The following C12orf42 variants were observed in gnomAD, a reference collection of about 807,000 sequenced individuals.
The protein encoded by C12orf42 is chromosome 12 open reading frame 42.
A neutral mutation model predicts 21.6 loss-of-function variants in C12orf42; 25 were observed. That is an observed-to-expected ratio of 1.16 (90% CI 0.84 to 1.62). The LOEUF (loss-of-function observed/expected upper bound fraction) is 1.62. Ranked by LOEUF, C12orf42 falls within the 40% of genes most tolerant of loss-of-function variation. The probability of loss-of-function intolerance (pLI) is 0.00; values close to 1 mark genes in which losing one functional copy is unlikely to be tolerated. For missense variants in C12orf42, 483 were observed against 459.3 expected (o/e 1.05, Z -0.47); for synonymous variants, 174 against 175.0 (o/e 0.99, Z 0.05).
chr12:103,048,816 C>T, the C12orf42 span, among the ~76,000 whole-genome samples: 1 of 152,170 alleles, frequency 6.6e-6, no homozygotes, highest in African/African-American at 2.4e-5. Context: ...ATATTGCGCC[C>T]TTATCCCTCA....
At chr12:103,455,684 TTTCTC>T (rs1952240460) in intron 2 of C12orf42, among the ~76,000 whole-genome samples, 2 of 152,142 alleles carry the variant, frequency 1.3e-5, no homozygotes, top group African/African-American at 4.8e-5. Context: ...TTTTTGTCCT[TTTCTC>T]TTCTTAGAGA....
downstream of C12orf42, among the ~76,000 whole-genome samples, chr12:103,267,012 C>T (rs572906850): frequency 5.9e-5 from 9 of 152,072 alleles, no homozygotes; most frequent in African/African-American, 1.4e-4. Flanking sequence ...CTTCCAAATC[C>T]GGAAACAAGC....
chr12:103,517,067 A>G, the C12orf42 span, among the ~76,000 whole-genome samples: 1 of 152,240 alleles, frequency 6.6e-6, no homozygotes, highest in Non-Finnish European at 1.5e-5. Flanking sequence ...CTGTGGTAAC[A>G]TGTCAACATA....
At chr12:103,199,182 C>G in the C12orf42 span, among the ~76,000 whole-genome samples, 1 of 152,056 alleles carries the variant, frequency 6.6e-6, no homozygotes, top group East Asian at 1.9e-4. Context: ...ACTGATGTTT[C>G]ACAACAGTAC....
At chr12:103,341,258 GGT>G (rs2042149404) in intron 4 of C12orf42, among the ~76,000 whole-genome samples, 1 of 152,080 alleles carries the variant, frequency 6.6e-6, no homozygotes, top group African/African-American at 2.4e-5. Context: ...AGGAAGCTGA[GGT>G]GGGAGGATTG....
chr12:103,146,818 T>C, the C12orf42 span, among the ~76,000 whole-genome samples: 5 of 152,190 alleles, frequency 3.3e-5, no homozygotes, highest in Non-Finnish European at 7.3e-5. Flanking sequence ...CCAAAGATTA[T>C]CTACCAATTG....
At chr12:103,510,347 G>C in the C12orf42 span, among the ~76,000 whole-genome samples, 1 of 152,074 alleles carries the variant, frequency 6.6e-6, no homozygotes, top group Non-Finnish European at 1.5e-5. Flanking sequence ...ATGGACTTTG[G>C]GGATTTGGGG....
At chr12:103,334,816 T>C (rs2041548755) in intron 4 of C12orf42, among the ~76,000 whole-genome samples, 1 of 152,210 alleles carries the variant, frequency 6.6e-6, no homozygotes, top group African/African-American at 2.4e-5. Context: ...GAATAATTAG[T>C]TTTTCGACCC....
the C12orf42 span, chr12:103,159,720 T>C: frequency 6.6e-6 from 1 of 152,286 alleles, no homozygotes; most frequent in Non-Finnish European, 1.5e-5. Context: ...CTCCTTTGCA[T>C]TGTCCCATTT....
At chr12:103,465,094 G>C (rs887780145) in intron 2 of C12orf42, among the ~76,000 whole-genome samples, 4 of 151,910 alleles carry the variant, frequency 2.6e-5, no homozygotes, top group African/African-American at 7.3e-5. Flanking sequence ...GCTCTTTCTT[G>C]GTTCCATATA....
the C12orf42 span, among the ~76,000 whole-genome samples, chr12:103,135,497 C>T: frequency 6.6e-6 from 1 of 151,662 alleles, no homozygotes; most frequent in Non-Finnish European, 1.5e-5. Flanking sequence ...AGAAAGGACT[C>T]AAATGTTACC....
chr12:103,120,529 T>C, the C12orf42 span, among the ~76,000 whole-genome samples: 1 of 151,476 alleles, frequency 6.6e-6, no homozygotes, highest in Admixed American at 6.6e-5. Flanking sequence ...AGGAGGGAGA[T>C]ACCGGTGCCT....
the C12orf42 span, among the ~76,000 whole-genome samples, chr12:103,227,314 G>A: frequency 1.3e-5 from 2 of 151,834 alleles, no homozygotes; most frequent in Admixed American, 1.3e-4. Flanking sequence ...GATATAAGAG[G>A]TTGGGGCACG....
At chr12:103,171,562 T>C in the C12orf42 span, among the ~76,000 whole-genome samples, 2 of 152,054 alleles carry the variant, frequency 1.3e-5, no homozygotes, top group African/African-American at 4.8e-5. Context: ...TACACCAAGA[T>C]ATTGAGTCGC....
At chr12:103,512,847 C>T in the C12orf42 span, among the ~76,000 whole-genome samples, 739 of 152,010 alleles carry the variant, frequency 4.9e-3, 4 homozygotes, top group African/African-American at 0.017. Flanking sequence ...ACTAAAAATA[C>T]AAAAATTAGC....
At chr12:103,113,254 G>A in the C12orf42 span, among the ~76,000 whole-genome samples, 169 of 152,248 alleles carry the variant, frequency 1.1e-3, no homozygotes, top group African/African-American at 3.9e-3. Context: ...GATATGAGTG[G>A]TAGTGGGTTA....
the C12orf42 span, among the ~76,000 whole-genome samples, chr12:103,170,580 TAA>T: frequency 2.0e-5 from 3 of 150,126 alleles, no homozygotes; most frequent in Admixed American, 6.6e-5. Context: ...TATGATCCTT[TAA>T]AAAAAAAAGC....
intron 3 of C12orf42, among the ~76,000 whole-genome samples, chr12:103,386,367 C>T (rs1199614036): frequency 2.7e-5 from 4 of 145,664 alleles, no homozygotes; most frequent in African/African-American, 1.0e-4. Flanking sequence ...CCAACCTCTA[C>T]TCCGGAACTG....
downstream of C12orf42, among the ~76,000 whole-genome samples, chr12:103,297,343 G>T (rs562641997): frequency 2.0e-5 from 3 of 152,060 alleles, no homozygotes; most frequent in Non-Finnish European, 4.4e-5. Context: ...GGCAATGCGG[G>T]CTCTTTTTTG....
Sources: allele counts gnomAD v4.1 joint callset (sites outside exome capture counted in the v4.1 genomes callset), GRCh38; gene constraint gnomAD v4.1.1; transcripts MANE v1.5; gene names NCBI Gene and HGNC (gene_info 2026-07-23, HGNC 2026-07-21).